RIMS4: variants seen among roughly 807,000 people sequenced by gnomAD.
RIMS4 encodes regulating synaptic membrane exocytosis protein 4.
A neutral mutation model predicts 29.0 loss-of-function variants in RIMS4; 9 were observed. The observed-to-expected ratio is 0.31, with a 90% CI of 0.19 to 0.54. The LOEUF is 0.54. RIMS4 is among the 20% of genes least tolerant of loss of function. RIMS4 has a pLI of 0.94. For missense variants in RIMS4, 193 were observed against 365.7 expected (o/e 0.53, Z 3.85); for synonymous variants, 130 against 152.9 (o/e 0.85, Z 1.10).
intron 1 of RIMS4, among the ~76,000 whole-genome samples, chr20:44,780,467 C>G (rs1330497067): frequency 6.6e-6 from 1 of 152,218 alleles, no homozygotes; most frequent in East Asian, 1.9e-4. Context: ...AACCACAATT[C>G]CTTCCCACTG....
At chr20:44,794,062 CCT>C (rs1351168395) in intron 1 of RIMS4, among the ~76,000 whole-genome samples, 1 of 152,112 alleles carries the variant, frequency 6.6e-6, no homozygotes, top group Non-Finnish European at 1.5e-5. Flanking sequence ...AGAGTGAGAC[CCT>C]GTCTCTAAAA....
chr20:44,755,429 T>A lies in RIMS4; in HGVS notation c.*705A>T, dbSNP rs896521651. ...CCTAAACTAGCTTGTTGCAATCCCA[T>A]GGAGCGAGGCACCTAGGGGTCTGTG... is the stretch of plus-strand genomic sequence containing the variant. On this transcript the variant is annotated 3_prime_UTR_variant, in exon 6 of 6. Coordinates refer to ENST00000372851, the MANE Select transcript of RIMS4 (RefSeq NM_182970.4). 20 of 152,690 alleles carry A rather than the reference T, an allele frequency of 1.3e-4. No homozygotes were observed. Among genetic ancestry groups the A allele is most frequent in the African/African-American group, 4.6e-4 (19 of 41,452 alleles). 9.5% of individuals were successfully genotyped at this position (152,690 alleles called of 1,614,324 possible).
chr20:44,764,182 C>T, intron 2 of RIMS4, among the ~76,000 whole-genome samples: 1 of 151,376 alleles, frequency 6.6e-6, no homozygotes, highest in African/African-American at 2.4e-5. Flanking sequence ...ATCCATCCAT[C>T]CATCCATTTA....
chr20:44,783,688 T>C (rs1444343072), intron 1 of RIMS4, among the ~76,000 whole-genome samples: 1 of 151,752 alleles, frequency 6.6e-6, no homozygotes, highest in African/African-American at 2.4e-5. Flanking sequence ...TCAACATATA[T>C]GAACCTTGAC....
At chr20:44,773,795 G>C (rs1426368246) in intron 1 of RIMS4, among the ~76,000 whole-genome samples, 1 of 152,190 alleles carries the variant, frequency 6.6e-6, no homozygotes, top group Admixed American at 6.5e-5. Flanking sequence ...CCACACAGGT[G>C]AGCATGCCTT....
intron 1 of RIMS4, among the ~76,000 whole-genome samples, chr20:44,791,497 C>T (rs2066232544): frequency 6.6e-6 from 1 of 152,198 alleles, no homozygotes; most frequent in Admixed American, 6.5e-5. Flanking sequence ...GAAATCCTAG[C>T]ACGGCATCTG....
chr20:44,761,600 C>T (rs372605883), intron 2 of RIMS4, among the ~76,000 whole-genome samples: 1 of 152,174 alleles, frequency 6.6e-6, no homozygotes, highest in East Asian at 1.9e-4. Flanking sequence ...GCTCCAGCTG[C>T]CCTTAGTGGT....
chr20:44,787,683 T>C (rs1270323024), intron 1 of RIMS4, among the ~76,000 whole-genome samples: 11 of 150,636 alleles, frequency 7.3e-5, no homozygotes, highest in Non-Finnish European at 7.4e-5. Context: ...GAGAAAAGTT[T>C]TGGTTTTCTC....
intron 2 of RIMS4, among the ~76,000 whole-genome samples, chr20:44,766,104 G>A (rs2066112528): frequency 6.6e-6 from 1 of 152,162 alleles, no homozygotes; most frequent in Admixed American, 6.5e-5. Flanking sequence ...GGGACTGTGA[G>A]AGCTGCTGAT....
At chr20:44,808,254 G>GA (rs1188343074) in intron 1 of RIMS4, among the ~76,000 whole-genome samples, 1 of 152,034 alleles carries the variant, frequency 6.6e-6, no homozygotes, top group African/African-American at 2.4e-5. Context: ...AAGGCTGCTG[G>GA]AAAAAACAAA....
chr20:44,800,244 C>G (rs2066272060), intron 1 of RIMS4, among the ~76,000 whole-genome samples: 1 of 152,060 alleles, frequency 6.6e-6, no homozygotes, highest in African/African-American at 2.4e-5. Context: ...AAACTGGTAG[C>G]CTGAAAGAGT....
chr20:44,801,184 T>C (rs1330723522), intron 1 of RIMS4, among the ~76,000 whole-genome samples: 2 of 152,162 alleles, frequency 1.3e-5, no homozygotes, highest in East Asian at 3.8e-4. Context: ...AGTCCGCTCA[T>C]TTTTACTATC....
intron 2 of RIMS4, among the ~76,000 whole-genome samples, chr20:44,761,804 T>C (rs1233128633): frequency 1.3e-5 from 2 of 152,242 alleles, no homozygotes; most frequent in Non-Finnish European, 2.9e-5. Context: ...AGAGTGAGGC[T>C]TCCAAGTCTA....
Position 44,756,248 on chromosome 20 carries a change from C to T in RIMS4, c.696G>A (p.Trp232Ter). The T allele has an allele frequency of 6.2e-7, 1 of 1,614,024 alleles. No individual in the cohort carries two copies. Among genetic ancestry groups the T allele is most frequent in the Non-Finnish European group, 8.5e-7 (1 of 1,179,978 alleles). ...TGGAGGAGGTGGGGAAGAGCTTGTA[C>T]CAGCCCACGGCCAGGGTGGTCAAGT... The part of the protein sequence containing the change: ...ELDLTTLAVG[W>*]YKLFPTSSMV... Residue 232 changes from tryptophan to a stop codon, truncating the protein, a stop_gained, in exon 6 of 6, where the codon TGG (tryptophan) becomes TGA (stop). Coordinates refer to ENST00000372851, the MANE Select transcript of RIMS4 (RefSeq NM_182970.4). LOFTEE classifies it high-confidence loss of function. This position sits in a 1 kb window ranked among gnomAD's most constrained non-coding sequence, Gnocchi z 5.9.
intron 1 of RIMS4, among the ~76,000 whole-genome samples, chr20:44,791,092 G>A (rs2066230490): frequency 6.6e-6 from 1 of 152,202 alleles, no homozygotes; most frequent in Non-Finnish European, 1.5e-5. Context: ...GTCCTTTTAA[G>A]GTGATTTTTA....
Position 44,771,499 on chromosome 20 carries a change from T to C in RIMS4, c.98-86A>G, listed in dbSNP as rs1198593163. Reference sequence around the variant, plus strand: ...AGAAGAGTCATCTGGTTAGCAGTGTTTCAGCAGCTGGGGGCTGTCCAGCTT... The same window carrying C: ...AGAAGAGTCATCTGGTTAGCAGTGTCTCAGCAGCTGGGGGCTGTCCAGCTT... On this transcript the variant is annotated intron_variant, in intron 1 of 5. Coordinates refer to ENST00000372851, the MANE Select transcript of RIMS4 (RefSeq NM_182970.4). 3 of 1,465,118 alleles carry C rather than the reference T, an allele frequency of 2.0e-6. No individual in the cohort carries two copies. In the Admixed American group the frequency reaches 5.5e-5, roughly 27 times the overall value. The allele number at this position is 1,465,118 out of a possible 1,614,324, so 90.8% of individuals were successfully genotyped here.
chr20:44,755,801 C>A lies in RIMS4; in HGVS notation c.*333G>T. 1 of 258,360 alleles carries A rather than the reference C, an allele frequency of 3.9e-6. No individual in the cohort carries two copies. 16.0% of individuals were successfully genotyped at this position (258,360 alleles called of 1,614,324 possible). A position where few individuals can be genotyped will look rare whatever the true frequency, so the allele number is the denominator to read the frequency against. On this transcript the variant is annotated 3_prime_UTR_variant, in exon 6 of 6. Transcript: ENST00000372851. The stretch of plus-strand genomic sequence containing the variant: ...TCTGGGCAGCGAGCTTCCGAGGAGG[C>A]AAAAAGGGGGAGAAGTTGGACAGTT...
chr20:44,792,088 C>G (rs2066235138), intron 1 of RIMS4, among the ~76,000 whole-genome samples: 1 of 152,104 alleles, frequency 6.6e-6, no homozygotes, highest in South Asian at 2.1e-4. Context: ...TCACCGTTAT[C>G]TGCTCTGCTT....
intron 4 of RIMS4, 133 bp from the exon 5 acceptor site, chr20:44,757,170 A>C (rs949090367): frequency 2.1e-5 from 21 of 981,300 alleles, no homozygotes; most frequent in Middle Eastern, 3.2e-4. Flanking sequence ...AGGACGCACC[A>C]GGACACATGG....
Sources: allele counts gnomAD v4.1 joint callset (sites outside exome capture counted in the v4.1 genomes callset), GRCh38; gene constraint gnomAD v4.1.1; non-coding constraint Gnocchi (gnomAD v3.1); transcripts MANE v1.5; gene names NCBI Gene and HGNC (gene_info 2026-07-23, HGNC 2026-07-21).